ADAM23: variants seen among roughly 807,000 people sequenced by gnomAD.
ADAM23 encodes ADAM metallopeptidase domain 23.
Under a neutral mutation model 120.1 loss-of-function variants are expected in ADAM23, and 33 were observed. That is an observed-to-expected ratio of 0.27 (90% CI 0.21 to 0.37). The LOEUF is 0.37. ADAM23 is among the 10% of genes least tolerant of loss of function. The probability of loss-of-function intolerance (pLI) is 1.00; values close to 1 mark genes in which losing one functional copy is unlikely to be tolerated. For synonymous variants in ADAM23, 367 were observed against 375.2 expected, an observed-to-expected ratio of 0.98 and a Z score of 0.25; for missense variants, 862 against 1,058.2, an observed-to-expected ratio of 0.81 and a Z score of 2.57.
At chr2:206,504,119 A>G (rs920157740) in intron 3 of ADAM23, among the ~76,000 whole-genome samples, 7 of 152,060 alleles carry the variant, frequency 4.6e-5, no homozygotes, top group African/African-American at 1.4e-4. Flanking sequence ...TTCATGACCT[A>G]TTTCTTGATA....
At chr2:206,516,419 T>G (rs6731715) in intron 3 of ADAM23, among the ~76,000 whole-genome samples, 8,095 of 152,098 alleles carry the variant, frequency 0.053, 699 homozygotes, top group African/African-American at 0.18. Flanking sequence ...ATAGCAAAAT[T>G]TCATCAACTG....
At chr2:206,594,529 T>C (rs558467926) in intron 22 of ADAM23, among the ~76,000 whole-genome samples, 1 of 152,334 alleles carries the variant, frequency 6.6e-6, no homozygotes. Flanking sequence ...ATGTGTACTG[T>C]AATAATGATA....
chr2:206,619,464 T>C lies in ADAM23; in HGVS notation c.*1837T>C, dbSNP rs1201871419. The C allele has an allele frequency of 6.6e-6, 1 of 151,990 alleles. No homozygotes were observed. Among genetic ancestry groups the C allele is most frequent in the African/African-American group, 2.4e-5 (1 of 41,354 alleles). The allele number at this position is 151,990 out of a possible 1,614,324, so 9.4% of individuals were successfully genotyped here. A position where few individuals can be genotyped will look rare whatever the true frequency, so the allele number is the denominator to read the frequency against. ...ACTTCAGTGAGCATCCCTCTATAGA[T>C]GGGCTTTAGTAAAGACTGTCCCAAA... is the stretch of plus-strand genomic sequence containing the variant. On this transcript the variant is annotated 3_prime_UTR_variant, in exon 26 of 26. Coordinates refer to ENST00000264377, the MANE Select transcript of ADAM23 (RefSeq NM_003812.4).
intron 3 of ADAM23, among the ~76,000 whole-genome samples, chr2:206,497,077 G>A (rs1319527450): frequency 6.6e-6 from 1 of 152,132 alleles, no homozygotes; most frequent in Non-Finnish European, 1.5e-5. Context: ...AAAGGTACAA[G>A]GAGGAGCTGG....
intron 2 of ADAM23, among the ~76,000 whole-genome samples, chr2:206,448,478 C>T (rs1695124869): frequency 7.0e-6 from 1 of 143,810 alleles, no homozygotes; most frequent in Non-Finnish European, 1.6e-5. Flanking sequence ...CTTCGAAGAC[C>T]GTTGGAATCT....
intron 2 of ADAM23, among the ~76,000 whole-genome samples, chr2:206,467,697 C>T (rs1429764184): frequency 1.3e-5 from 2 of 152,192 alleles, no homozygotes; most frequent in Non-Finnish European, 2.9e-5. Flanking sequence ...CTCAACTAGG[C>T]AGTACCCCAG....
rs1460925198 is a variant in ADAM23 at position 206,530,943 on chromosome 2, T to C, written c.568T>C (p.Ser190Pro). 1 of 1,613,484 alleles carries C rather than the reference T, an allele frequency of 6.2e-7. No homozygotes were observed. The highest frequency in any genetic ancestry group is 8.5e-7 in the Non-Finnish European group (1 of 1,179,660). The change falls in exon 4 of 26, where the codon TCT becomes CCT. Residue 190 changes from serine (S) to proline (P), a missense_variant. Physicochemically the swap from Ser to Pro is moderately conservative, Grantham distance 74 (BLOSUM62 -1). Transcript: ENST00000264377. ...CTACGAAAATGGGAAACCACAGTACTCTAAGGTACGGTTACCGGCGTCGGC... is the reference window on the plus strand; with the variant it reads ...CTACGAAAATGGGAAACCACAGTACCCTAAGGTACGGTTACCGGCGTCGGC... ...IHYENGKPQY[S>P]KGGEHCYYHG... is the part of the protein sequence containing the mutation.
chr2:206,492,562 C>T (rs1696156903), intron 3 of ADAM23, among the ~76,000 whole-genome samples: 1 of 152,112 alleles, frequency 6.6e-6, no homozygotes, highest in African/African-American at 2.4e-5. Context: ...CTGGGAAATC[C>T]AAGACCAAGC....
intron 6 of ADAM23, 140 bp downstream of exon 6, chr2:206,543,456 G>A (rs954880741): frequency 1.6e-5 from 11 of 676,652 alleles, no homozygotes; most frequent in African/African-American, 1.4e-4. Context: ...AGTACCCTGA[G>A]TTTTGAAGTT....
intron 3 of ADAM23, among the ~76,000 whole-genome samples, chr2:206,517,543 G>T (rs1696760465): frequency 6.6e-6 from 1 of 152,132 alleles, no homozygotes. Context: ...TTTATGGGAT[G>T]GTTATTTTGG....
At chr2:206,517,071 CA>C (rs1696749362) in intron 3 of ADAM23, among the ~76,000 whole-genome samples, 1 of 152,120 alleles carries the variant, frequency 6.6e-6, no homozygotes, top group Non-Finnish European at 1.5e-5. Flanking sequence ...CTCGTACACA[CA>C]ACACATACAC....
chr2:206,539,116 G>A (rs1038117025), intron 4 of ADAM23, among the ~76,000 whole-genome samples: 1 of 152,208 alleles, frequency 6.6e-6, no homozygotes, highest in African/African-American at 2.4e-5. Context: ...AAACCTTGTG[G>A]AGCAGAGTTA....
At chr2:206,555,026 G>A (rs757731982) in intron 9 of ADAM23, among the ~76,000 whole-genome samples, 4 of 151,976 alleles carry the variant, frequency 2.6e-5, no homozygotes, top group East Asian at 1.9e-4. Flanking sequence ...TGTGAGTGCC[G>A]CAGGGCTTGG....
rs1321269244 is a variant in ADAM23 at position 206,542,144 on chromosome 2, A to G, written c.656+10A>G. 1 of 1,612,946 alleles carries G rather than the reference A, an allele frequency of 6.2e-7. No homozygotes were observed. Among genetic ancestry groups the G allele is most frequent in the Non-Finnish European group, 8.5e-7 (1 of 1,178,912 alleles). Reference sequence around the variant, plus strand: ...CCTGCAATGGACTTCAGTAAGTGGGAATCTCATTGGCATTTTATTCATTGA... The same window carrying G: ...CCTGCAATGGACTTCAGTAAGTGGGGATCTCATTGGCATTTTATTCATTGA... On this transcript the variant is annotated intron_variant, in intron 5 of 25. Coordinates refer to ENST00000264377, the MANE Select transcript of ADAM23 (RefSeq NM_003812.4).
Position 206,557,632 on chromosome 2 carries a change from A to G in ADAM23, c.1005+134A>G. On this transcript the variant is annotated intron_variant, in intron 10 of 25. Coordinates refer to ENST00000264377, the MANE Select transcript of ADAM23 (RefSeq NM_003812.4). ...GAAGCTCATCTGGCTAAGGAATTATAGGATGGTCCGCTTCACAGAGTAGTG... is the reference window on the plus strand; with the variant it reads ...GAAGCTCATCTGGCTAAGGAATTATGGGATGGTCCGCTTCACAGAGTAGTG... The G allele has an allele frequency of 6.2e-6, 5 of 807,900 alleles. No homozygotes were observed. The South Asian group carries it at 7.6e-5, about 12-fold the overall frequency. The allele number at this position is 807,900 out of a possible 1,614,324, so 50.0% of individuals were successfully genotyped here.
At chr2:206,512,668 C>A (rs933908608) in intron 3 of ADAM23, among the ~76,000 whole-genome samples, 4 of 151,484 alleles carry the variant, frequency 2.6e-5, no homozygotes, top group African/African-American at 9.7e-5. Context: ...TTTTTTTGAG[C>A]AAAAAGCATC....
chr2:206,472,775 T>G (rs751955245), intron 2 of ADAM23, among the ~76,000 whole-genome samples: 1 of 152,216 alleles, frequency 6.6e-6, no homozygotes, highest in Non-Finnish European at 1.5e-5. Flanking sequence ...TTTCCTTTTT[T>G]CTGTACCATC....
At chr2:206,606,408 T>C (rs1698729543) in intron 24 of ADAM23, 1 of 152,242 alleles carries the variant, frequency 6.6e-6, no homozygotes. Flanking sequence ...AAAAAGAAGA[T>C]ATTTAGCATA....
chr2:206,617,691 A>G lies in ADAM23; in HGVS notation c.*64A>G, dbSNP rs1166277370. The G allele has an allele frequency of 4.4e-6, 7 of 1,601,810 alleles. No individual in the cohort carries two copies. The Admixed American group carries it at 1.2e-4, about 27-fold the overall frequency. On this transcript the variant is annotated 3_prime_UTR_variant, in exon 26 of 26. Transcript: ENST00000264377. ...ATTCTGGGTATGACATACTCGCAGCAGTGTTACTGGAACTATTAAGTTTGT... is the reference window on the plus strand; with the variant it reads ...ATTCTGGGTATGACATACTCGCAGCGGTGTTACTGGAACTATTAAGTTTGT...
Sources: allele counts gnomAD v4.1 joint callset (sites outside exome capture counted in the v4.1 genomes callset), GRCh38; gene constraint gnomAD v4.1.1; transcripts MANE v1.5; gene names NCBI Gene and HGNC (gene_info 2026-07-23, HGNC 2026-07-21).